Variants in FSTL5 observed in about 807,000 individuals in gnomAD.
The protein encoded by FSTL5 is follistatin like 5, also known as follistatin-related protein 5.
In FSTL5, 62 loss-of-function variants were observed where a neutral mutation model predicts 89.1. The observed-to-expected ratio is 0.70, with a 90% confidence interval of 0.57 to 0.86. The LOEUF (loss-of-function observed/expected upper bound fraction) is 0.86, where lower values mean the gene tolerates loss of function less well. FSTL5 is among the 40% of genes least tolerant of loss of function. The pLI is 0.00. For synonymous variants in FSTL5, 383 were observed against 346.2 expected (o/e 1.11, Z -1.18); for missense variants, 1,057 against 1,001.6 (o/e 1.06, Z -0.75).
chr4:161,784,784 C>T (rs930878730), intron 4 of FSTL5, among the ~76,000 whole-genome samples: 2 of 150,754 alleles, frequency 1.3e-5, no homozygotes, highest in African/African-American at 2.4e-5. Context: ...GTCCCAGCTA[C>T]TCAGGAAGCT....
At chr4:161,575,700 C>A (rs986877108) in intron 8 of FSTL5, among the ~76,000 whole-genome samples, 11 of 152,158 alleles carry the variant, frequency 7.2e-5, no homozygotes, top group African/African-American at 2.7e-4. Context: ...GATCCACCCA[C>A]CTTGGTCTCC....
At chr4:161,419,708 T>C (rs963024752) in intron 15 of FSTL5, among the ~76,000 whole-genome samples, 1 of 152,180 alleles carries the variant, frequency 6.6e-6, no homozygotes, top group African/African-American at 2.4e-5. Context: ...GCCCTGTCTC[T>C]CCAAACTCAT....
chr4:161,426,783 A>T (rs985368909), intron 15 of FSTL5, among the ~76,000 whole-genome samples: 1 of 152,204 alleles, frequency 6.6e-6, no homozygotes, highest in African/African-American at 2.4e-5. Flanking sequence ...TGACTTTAAA[A>T]TAATTTTATG....
intron 2 of FSTL5, among the ~76,000 whole-genome samples, chr4:162,057,527 T>C (rs547835004): frequency 6.6e-6 from 1 of 152,344 alleles, no homozygotes; most frequent in Non-Finnish European, 1.5e-5. Context: ...TATTTACAAT[T>C]GCTTTCACTA....
At chr4:162,063,898 T>C (rs1738801973) in intron 2 of FSTL5, among the ~76,000 whole-genome samples, 1 of 152,006 alleles carries the variant, frequency 6.6e-6, no homozygotes, top group African/African-American at 2.4e-5. Flanking sequence ...CATTCTCTCC[T>C]GTAGTAATTC....
intron 6 of FSTL5, among the ~76,000 whole-genome samples, chr4:161,743,193 GCT>G (rs1740087042): frequency 6.6e-6 from 1 of 152,038 alleles, no homozygotes; most frequent in African/African-American, 2.4e-5. Context: ...TATAGATTCA[GCT>G]CTTACTTTTT....
chr4:161,441,020 G>GA (rs1258327084), intron 15 of FSTL5, among the ~76,000 whole-genome samples: 1 of 151,964 alleles, frequency 6.6e-6, no homozygotes, highest in Admixed American at 6.6e-5. Context: ...CTGACATTTA[G>GA]AAAAAATCCT....
chr4:161,948,464 C>T (rs996061157), intron 3 of FSTL5, among the ~76,000 whole-genome samples: 6 of 145,432 alleles, frequency 4.1e-5, no homozygotes, highest in Non-Finnish European at 7.5e-5. Context: ...TCTACATGAA[C>T]GGAATTTTTT....
intron 6 of FSTL5, among the ~76,000 whole-genome samples, chr4:161,711,641 C>A (rs1738784622): frequency 6.6e-6 from 1 of 151,980 alleles, no homozygotes; most frequent in Non-Finnish European, 1.5e-5. Context: ...GTCAATATTA[C>A]CCTGATACCA....
At chr4:162,161,612 T>C (rs555493588) in intron 1 of FSTL5, among the ~76,000 whole-genome samples, 1 of 152,084 alleles carries the variant, frequency 6.6e-6, no homozygotes, top group South Asian at 2.1e-4. Flanking sequence ...ATATTGGTAG[T>C]TCAAGGTAAA....
intron 15 of FSTL5, among the ~76,000 whole-genome samples, chr4:161,391,834 T>C (rs1730832991): frequency 6.6e-6 from 1 of 152,192 alleles, no homozygotes; most frequent in Non-Finnish European, 1.5e-5. Flanking sequence ...TGAGAAATGA[T>C]AGCACTTTGA....
At chr4:161,613,510 T>C (rs1734728454) in intron 7 of FSTL5, among the ~76,000 whole-genome samples, 1 of 151,096 alleles carries the variant, frequency 6.6e-6, no homozygotes, top group Admixed American at 6.6e-5. Flanking sequence ...TTGGTAAGGT[T>C]GATGATGGTT....
intron 6 of FSTL5, among the ~76,000 whole-genome samples, chr4:161,692,882 C>T (rs377078132): frequency 2.2e-4 from 34 of 152,174 alleles, no homozygotes; most frequent in African/African-American, 7.7e-4. Context: ...CGCCACCACA[C>T]CTGGCTAATT....
chr4:161,810,976 A>G (rs1579109002), intron 4 of FSTL5, among the ~76,000 whole-genome samples: 1 of 152,152 alleles, frequency 6.6e-6, no homozygotes, highest in Non-Finnish European at 1.5e-5. Flanking sequence ...CCTCGCCTTA[A>G]ATGTTTCACA....
chr4:161,503,380 T>C (rs539953147), intron 11 of FSTL5, among the ~76,000 whole-genome samples: 1 of 152,012 alleles, frequency 6.6e-6, no homozygotes, highest in Non-Finnish European at 1.5e-5. Context: ...AAATTTTAAT[T>C]TTCTATGATA....
chr4:161,553,772 T>C (rs1034841003), intron 8 of FSTL5, among the ~76,000 whole-genome samples: 7 of 151,408 alleles, frequency 4.6e-5, no homozygotes, highest in African/African-American at 1.7e-4. Flanking sequence ...TGGAAAAAAA[T>C]CATATTTTAA....
At chr4:162,003,470 A>C (rs6854114) in intron 3 of FSTL5, among the ~76,000 whole-genome samples, 33,638 of 152,088 alleles carry the variant, frequency 0.22, 4,000 homozygotes, top group East Asian at 0.43. Flanking sequence ...TAATAAATAA[A>C]TGCTTAAATA....
At chr4:161,609,417 GTTA>G (rs946518048) in intron 7 of FSTL5, among the ~76,000 whole-genome samples, 3 of 151,942 alleles carry the variant, frequency 2.0e-5, no homozygotes, top group Admixed American at 6.6e-5. Context: ...GATTATTTGT[GTTA>G]TTATGTAATA....
chr4:162,076,194 C>A lies in FSTL5; in HGVS notation c.126+35077G>T, dbSNP rs181364584. Among the ~76,000 whole-genome samples the A allele has an allele frequency of 5.9e-5, 9 of 151,976 alleles. No individual in the cohort carries two copies. The East Asian group carries it at 1.8e-3, about 30-fold the overall frequency. ...AAGTCTGAGGCCACAACTGAACTAC[C>A]AGTTCAGAACCATCATATCGCTATA... is the stretch of plus-strand genomic sequence containing the variant. On this transcript the variant is annotated intron_variant, in intron 2 of 15. Coordinates refer to ENST00000306100, the MANE Select transcript of FSTL5 (RefSeq NM_020116.5).
Sources: gnomAD v4.1 joint callset for allele counts (sites outside exome capture counted in the v4.1 genomes callset) on GRCh38, gnomAD v4.1.1 for gene constraint, MANE v1.5 for transcripts, NCBI Gene and HGNC (gene_info 2026-07-23, HGNC 2026-07-21) for gene names.